SREBF2: variants seen among roughly 807,000 people sequenced by gnomAD.
SREBF2 encodes the protein sterol regulatory element-binding protein 2.
A neutral mutation model predicts 113.1 loss-of-function variants in SREBF2; 55 were observed. The ratio of observed to expected loss-of-function variants is 0.49; its 90% CI spans 0.39 to 0.61. The LOEUF is 0.61. Ranked by LOEUF, SREBF2 falls within the 20% of genes least tolerant of loss-of-function variation. The probability of loss-of-function intolerance (pLI) is 0.00; values close to 1 mark genes in which losing one functional copy is unlikely to be tolerated. For synonymous variants in SREBF2, 593 were observed against 605.7 expected, an observed-to-expected ratio of 0.98 and a Z score of 0.31; for missense variants, 1,349 against 1,487.4, an observed-to-expected ratio of 0.91 and a Z score of 1.53.
chr22:41,868,756 GCAGA>G lies in SREBF2; in HGVS notation c.688_691del (p.Thr230LeufsTer25). ...TGCAGACCCTTGCCCCGGCTACGGT[GCAGA>G]CAGTTGCTGCGCCACAGGTGCAGCA... On this transcript the variant is annotated frameshift_variant, in exon 3 of 19. Transcript: ENST00000361204. LOFTEE classifies it high-confidence loss of function. 6.2e-7 allele frequency: 1 copy of G among 1,613,758 alleles called. No individual in the cohort carries two copies. Among genetic ancestry groups the G allele is most frequent in the Non-Finnish European group, 8.5e-7 (1 of 1,179,824 alleles).
At chr22:41,859,784 T>TAGG (rs2077008541) in intron 1 of SREBF2, among the ~76,000 whole-genome samples, 1 of 145,624 alleles carries the variant, frequency 6.9e-6, no homozygotes, top group Admixed American at 7.0e-5. Flanking sequence ...GTTCCAAGGC[T>TAGG]AGGATATGGT....
At chr22:41,844,027 A>AC (rs1569370657) in intron 1 of SREBF2, among the ~76,000 whole-genome samples, 6 of 45,914 alleles carry the variant, frequency 1.3e-4, no homozygotes, top group Admixed American at 1.1e-3. Flanking sequence ...AAAAAAAAAA[A>AC]ATACATACAC....
At chr22:41,853,108 C>T (rs1260095559) in intron 1 of SREBF2, among the ~76,000 whole-genome samples, 3 of 152,206 alleles carry the variant, frequency 2.0e-5, no homozygotes, top group Non-Finnish European at 4.4e-5. Context: ...CAGCCTCTGC[C>T]TCCTCAACCC....
chr22:41,906,063 G>A lies in SREBF2; in HGVS notation c.*403G>A, dbSNP rs946478860. ...AGTCTCTGAGCACCAGGGAGCAGTTGCCCTCAGGCCTGTGCCCAGCATGCC... is the reference window on the plus strand; with the variant it reads ...AGTCTCTGAGCACCAGGGAGCAGTTACCCTCAGGCCTGTGCCCAGCATGCC... On this transcript the variant is annotated 3_prime_UTR_variant, in exon 19 of 19. Coordinates refer to ENST00000361204, the MANE Select transcript of SREBF2 (RefSeq NM_004599.4). 8.6e-6 allele frequency: 4 copies of A among 467,094 alleles called. No homozygotes were observed. The highest frequency in any genetic ancestry group is 7.0e-5 in the Admixed American group (3 of 42,604). The allele number at this position is 467,094 out of a possible 1,614,324, so 28.9% of individuals were successfully genotyped here.
At chr22:41,853,722 C>T (rs1465488669) in intron 1 of SREBF2, among the ~76,000 whole-genome samples, 1 of 152,158 alleles carries the variant, frequency 6.6e-6, no homozygotes, top group Non-Finnish European at 1.5e-5. Context: ...GGTGAAACAT[C>T]CCTTCTAGTT....
At chr22:41,902,397 A>T (rs532544181) in intron 16 of SREBF2, among the ~76,000 whole-genome samples, 1 of 152,336 alleles carries the variant, frequency 6.6e-6, no homozygotes, top group African/African-American at 2.4e-5. Flanking sequence ...AGAGAGACTA[A>T]GTCCTATGCC....
rs564501543 is a variant in SREBF2 at position 41,844,575 on chromosome 22, G to A, written c.88+11217G>A. ...GTTTAGAAATGAATCCTAAACTATC[G>A]AAGGGCTTGCAAACTAGAAAATTTC... On this transcript the variant is annotated intron_variant, in intron 1 of 18. Transcript: ENST00000361204. Among the ~76,000 whole-genome samples, 11 of 152,222 alleles carry A rather than the reference G, an allele frequency of 7.2e-5. No individual in the cohort carries two copies. In the South Asian group the frequency reaches 1.5e-3, roughly 20 times the overall value.
chr22:41,838,188 G>A (rs1270680625), intron 1 of SREBF2, among the ~76,000 whole-genome samples: 1 of 152,106 alleles, frequency 6.6e-6, no homozygotes, highest in Non-Finnish European at 1.5e-5. Context: ...CTTTTTGCTG[G>A]GTCCAAATAG....
chr22:41,866,675 C>T (rs2077079088), intron 1 of SREBF2, among the ~76,000 whole-genome samples, 156 bp from the exon 2 acceptor site: 1 of 152,210 alleles, frequency 6.6e-6, no homozygotes, highest in South Asian at 2.1e-4. Context: ...CATCTTGGCC[C>T]AGATGATCCC....
chr22:41,895,794 G>C (rs1038298930), intron 13 of SREBF2, among the ~76,000 whole-genome samples: 2 of 152,018 alleles, frequency 1.3e-5, no homozygotes, highest in African/African-American at 4.8e-5. Context: ...GACCAAGTCA[G>C]GGATTTCATT....
At chr22:41,837,294 A>G (rs2076784834) in intron 1 of SREBF2, among the ~76,000 whole-genome samples, 1 of 152,194 alleles carries the variant, frequency 6.6e-6, no homozygotes, top group Non-Finnish European at 1.5e-5. Context: ...ACAGTGGCTC[A>G]TGCCTGTAAT....
rs1602357673 is a variant in SREBF2 at position 41,906,026 on chromosome 22, C to G, written c.*366C>G. 5 of 487,978 alleles carry G rather than the reference C, an allele frequency of 1.0e-5. No individual in the cohort carries two copies. Among genetic ancestry groups the G allele is most frequent in the Non-Finnish European group, 2.0e-5 (5 of 248,422 alleles). 30.2% of individuals were successfully genotyped at this position (487,978 alleles called of 1,614,324 possible). A position where few individuals can be genotyped will look rare whatever the true frequency, so the allele number is the denominator to read the frequency against. On this transcript the variant is annotated 3_prime_UTR_variant, in exon 19 of 19. Transcript: ENST00000361204. ...TTCCTCAGTTTTTATCAGGCTTTCT[C>G]TGGGGGACAGCAGTCTCTGAGCACC... is the stretch of plus-strand genomic sequence containing the variant.
At chr22:41,870,812 G>T (rs1729769723) in intron 3 of SREBF2, 77 bp from the exon 4 acceptor site, 1 of 1,520,280 alleles carries the variant, frequency 6.6e-7, no homozygotes, top group Non-Finnish European at 9.1e-7. Flanking sequence ...TTCTTGGAAG[G>T]TCTATGCAGT....
intron 2 of SREBF2, among the ~76,000 whole-genome samples, chr22:41,868,079 C>G (rs968715962): frequency 6.6e-6 from 1 of 152,204 alleles, no homozygotes; most frequent in African/African-American, 2.4e-5. Flanking sequence ...CCTGTTCTTT[C>G]TGTGATGTGC....
rs563585702 is a variant in SREBF2, at chr22:41,900,583, C to T, written c.2907+85C>T. 138 of 1,384,082 alleles carry T rather than the reference C, an allele frequency of 1.0e-4. No homozygotes were observed. The African/African-American group carries it at 1.4e-3, about 14-fold the overall frequency. The allele number at this position is 1,384,082 out of a possible 1,614,324, so 85.7% of individuals were successfully genotyped here. The stretch of plus-strand genomic sequence containing the variant: ...TCCCACTCACCTCATGCTGACCCTG[C>T]GGGTGGGGCCATCCGAAAGACAGAG... On this transcript the variant is annotated intron_variant, in intron 16 of 18. Coordinates refer to ENST00000361204, the MANE Select transcript of SREBF2 (RefSeq NM_004599.4).
intron 7 of SREBF2, among the ~76,000 whole-genome samples, chr22:41,876,764 A>G (rs1376860142): frequency 6.6e-6 from 1 of 152,242 alleles, no homozygotes; most frequent in Non-Finnish European, 1.5e-5. Context: ...GTACAGTGCT[A>G]TGTAACTGTC....
chr22:41,877,539 C>G, intron 8 of SREBF2, 118 bp downstream of exon 8: 1 of 1,204,340 alleles, frequency 8.3e-7, no homozygotes, highest in Non-Finnish European at 1.2e-6. Flanking sequence ...TATAGTGGGC[C>G]CCCACCTGCT....
At chr22:41,872,990 C>T (rs1849655064) in intron 4 of SREBF2, among the ~76,000 whole-genome samples, 1 of 151,760 alleles carries the variant, frequency 6.6e-6, no homozygotes, top group Non-Finnish European at 1.5e-5. Flanking sequence ...CTGAGGTCAG[C>T]AGTTTGAGAC....
At chr22:41,893,033 A>C in intron 11 of SREBF2, 84 bp from the exon 12 acceptor site, 1 of 1,530,086 alleles carries the variant, frequency 6.5e-7, no homozygotes, top group Non-Finnish European at 9.0e-7. Context: ...GCCCACCTCC[A>C]CCATGGTGCT....
Sources: allele counts gnomAD v4.1 joint callset (sites outside exome capture counted in the v4.1 genomes callset), GRCh38; gene constraint gnomAD v4.1.1; transcripts MANE v1.5; gene names NCBI Gene and HGNC (gene_info 2026-07-23, HGNC 2026-07-21).